CYRIB: variants seen among roughly 807,000 people sequenced by gnomAD.
The protein encoded by CYRIB is CYFIP related Rac1 interactor B, also known as CYFIP-related Rac1 interactor B.
A neutral mutation model predicts 44.2 loss-of-function variants in CYRIB; 8 were observed. The observed-to-expected ratio is 0.18, with a 90% confidence interval of 0.11 to 0.33. The LOEUF is 0.33. Among genes scored for constraint, CYRIB ranks in the 10% least tolerant of loss-of-function variants. CYRIB has a pLI of 1.00. For synonymous variants in CYRIB, 131 were observed against 127.2 expected, an observed-to-expected ratio of 1.03 and a Z score of -0.20; for missense variants, 185 against 382.8, an observed-to-expected ratio of 0.48 and a Z score of 4.31.
intron 2 of CYRIB, among the ~76,000 whole-genome samples, chr8:129,888,460 T>C (rs2063667169): frequency 6.6e-6 from 1 of 152,180 alleles, no homozygotes; most frequent in African/African-American, 2.4e-5. Flanking sequence ...TCCGACACAC[T>C]CTGGCCTCAT....
chr8:129,863,879 G>C (rs767396341), intron 4 of CYRIB, among the ~76,000 whole-genome samples: 1 of 152,036 alleles, frequency 6.6e-6, no homozygotes, highest in Non-Finnish European at 1.5e-5. Context: ...CTAACATCTT[G>C]AAACAAACTA....
intron 1 of CYRIB, among the ~76,000 whole-genome samples, chr8:130,003,116 G>A (rs770904909): frequency 5.3e-5 from 8 of 152,156 alleles, no homozygotes; most frequent in East Asian, 1.9e-4. Context: ...TGAGGTACTC[G>A]GGAGGCTGAG....
intron 1 of CYRIB, among the ~76,000 whole-genome samples, chr8:129,918,368 C>G (rs142719190): frequency 1.3e-5 from 2 of 152,106 alleles, no homozygotes; most frequent in South Asian, 4.1e-4. Flanking sequence ...TTGTTCTACC[C>G]GCACACTAGA....
chr8:130,007,745 T>C (rs969103008), intron 1 of CYRIB, among the ~76,000 whole-genome samples: 5 of 151,166 alleles, frequency 3.3e-5, no homozygotes, highest in Admixed American at 6.6e-5. Flanking sequence ...GATTGCACCA[T>C]TGCACTCCAG....
At chr8:129,900,878 G>A (rs902977104) in intron 2 of CYRIB, among the ~76,000 whole-genome samples, 2 of 152,094 alleles carry the variant, frequency 1.3e-5, no homozygotes, top group Non-Finnish European at 2.9e-5. Flanking sequence ...TTCGCCATGT[G>A]GGCCAGGCTG....
chr8:129,983,296 T>A (rs1322335762), intron 1 of CYRIB, among the ~76,000 whole-genome samples: 1 of 151,780 alleles, frequency 6.6e-6, no homozygotes, highest in Admixed American at 6.6e-5. Flanking sequence ...ATACAAAAAA[T>A]TAGCGAGGCG....
At chr8:129,988,946 C>T (rs190706404) in intron 1 of CYRIB, among the ~76,000 whole-genome samples, 57 of 152,262 alleles carry the variant, frequency 3.7e-4, no homozygotes, top group African/African-American at 1.3e-3. Context: ...CCCTGGAGAT[C>T]TTCTAGTACA....
intron 1 of CYRIB, among the ~76,000 whole-genome samples, chr8:129,999,274 T>G (rs72720346): frequency 0.052 from 7,936 of 152,224 alleles, 285 homozygotes; most frequent in Non-Finnish European, 0.077. Context: ...GGAGCCGACC[T>G]TAGTCACCAG....
intron 2 of CYRIB, among the ~76,000 whole-genome samples, chr8:129,960,218 A>G (rs2095158522): frequency 6.6e-6 from 1 of 152,228 alleles, no homozygotes; most frequent in South Asian, 2.1e-4. Context: ...ACCCTGGTCA[A>G]TCTTGGTCAC....
intron 2 of CYRIB, among the ~76,000 whole-genome samples, chr8:129,945,623 CTG>C (rs1224650500): frequency 6.6e-6 from 1 of 152,104 alleles, no homozygotes; most frequent in Non-Finnish European, 1.5e-5. Context: ...GGCTGGAGGG[CTG>C]TGACACAATC....
chr8:129,845,359 C>A (rs1421792371), intron 11 of CYRIB, among the ~76,000 whole-genome samples: 1 of 152,142 alleles, frequency 6.6e-6, no homozygotes, highest in African/African-American at 2.4e-5. Context: ...GACTGAGACA[C>A]AGGGAGTATT....
chr8:129,908,381 T>C (rs2076483140), intron 1 of CYRIB, among the ~76,000 whole-genome samples: 1 of 152,168 alleles, frequency 6.6e-6, no homozygotes, highest in Non-Finnish European at 1.5e-5. Context: ...AAAGCAAATA[T>C]GGTAAAATGG....
intron 1 of CYRIB, among the ~76,000 whole-genome samples, chr8:129,915,635 G>A (rs2080353952): frequency 6.6e-6 from 1 of 152,076 alleles, no homozygotes; most frequent in Non-Finnish European, 1.5e-5. Flanking sequence ...TTGTGGTGAT[G>A]GTTTCATAGG....
intron 2 of CYRIB, among the ~76,000 whole-genome samples, chr8:129,968,542 C>T (rs1263891382): frequency 2.6e-5 from 4 of 152,064 alleles, no homozygotes; most frequent in East Asian, 1.9e-4. Context: ...ATTGTGAACT[C>T]GTCTTCAGAG....
At position 129,871,351 on chromosome 8, in the gene CYRIB, A is replaced by G. The variant is rs375375740; in HGVS notation, c.195+24T>C. 36 of 1,589,402 alleles carry G rather than the reference A, an allele frequency of 2.3e-5. No homozygotes were observed. The Middle Eastern group carries it at 8.3e-4, about 37-fold the overall frequency. ...GTGGGACAGTAAGTTTCAGTTAACTAGAAAATACATAAATGCGCTTTACCT... is the reference window on the plus strand; with the variant it reads ...GTGGGACAGTAAGTTTCAGTTAACTGGAAAATACATAAATGCGCTTTACCT... On this transcript the variant is annotated intron_variant, in intron 4 of 11. Transcript: ENST00000519824.
At chr8:129,845,174 T>C (rs1296891257) in intron 11 of CYRIB, among the ~76,000 whole-genome samples, 1 of 152,194 alleles carries the variant, frequency 6.6e-6, no homozygotes, top group Non-Finnish European at 1.5e-5. Flanking sequence ...TGAACTACCC[T>C]TAAAGTGAAA....
rs547243781 is a variant in CYRIB, at chr8:129,931,538, A to G, written c.-50+8070T>C. 1.2e-4 allele frequency among the ~76,000 whole-genome samples: 18 copies of G among 152,306 alleles called. No individual in the cohort carries two copies. In the South Asian group the frequency reaches 3.7e-3, roughly 32 times the overall value. On this transcript the variant is annotated intron_variant, in intron 1 of 11. Coordinates refer to ENST00000519824, the Ensembl canonical transcript of CYRIB. Reference sequence around the variant, plus strand: ...AGAAAATTAATCTCAAATTTCCACCAAGGTCATTACATATAACTTTGCCCT... The same window carrying G: ...AGAAAATTAATCTCAAATTTCCACCGAGGTCATTACATATAACTTTGCCCT...
At chr8:129,843,359 A>G (rs2037675328) in intron 11 of CYRIB, among the ~76,000 whole-genome samples, 2 of 152,236 alleles carry the variant, frequency 1.3e-5, no homozygotes, top group Non-Finnish European at 2.9e-5. Flanking sequence ...TGTTGAGGGC[A>G]AGCTGTGGAG....
At chr8:129,906,403 A>T (rs1430598896) in intron 1 of CYRIB, among the ~76,000 whole-genome samples, 1 of 152,270 alleles carries the variant, frequency 6.6e-6, no homozygotes, top group Non-Finnish European at 1.5e-5. Flanking sequence ...AGCCATATGT[A>T]GAAAGCTGAA....
Sources: allele counts gnomAD v4.1 joint callset (sites outside exome capture counted in the v4.1 genomes callset), GRCh38; gene constraint gnomAD v4.1.1; transcripts MANE v1.5; gene names NCBI Gene and HGNC (gene_info 2026-07-23, HGNC 2026-07-21).